The following PARPBP variants were observed in gnomAD, a reference collection of about 807,000 sequenced individuals.
The protein encoded by PARPBP is PARP1 binding protein.
PARPBP carries 52 observed loss-of-function variants against 50.0 expected under a neutral mutation model. That is an observed-to-expected ratio of 1.04 (90% CI 0.83 to 1.31). PARPBP has a LOEUF of 1.31. PARPBP is among the 50% of genes most tolerant of loss of function. The pLI, the probability that PARPBP is intolerant of heterozygous loss-of-function variation, is 0.00. For synonymous variants in PARPBP, 244 were observed against 232.1 expected (o/e 1.05, Z -0.47); for missense variants, 697 against 672.0 (o/e 1.04, Z -0.41).
chr12:102,163,755 T>C (rs949000252), intron 4 of PARPBP, among the ~76,000 whole-genome samples: 6 of 152,228 alleles, frequency 3.9e-5, no homozygotes, highest in African/African-American at 1.2e-4. Flanking sequence ...TTACTTATTG[T>C]ACTTTTCATT....
rs781177278 is a variant in PARPBP at position 102,164,462 on chromosome 12, A to C, written c.520A>C (p.Ile174Leu). 1 of 1,612,842 alleles carries C rather than the reference A, an allele frequency of 6.2e-7. No individual in the cohort carries two copies. Among genetic ancestry groups the C allele is most frequent in the East Asian group, 2.2e-5 (1 of 44,822 alleles). The change falls in exon 5 of 11, where the codon ATC becomes CTC. Residue 174 changes from isoleucine to leucine, a missense_variant. Physicochemically the swap from Ile to Leu is conservative, Grantham distance 5 (BLOSUM62 2). Transcript: ENST00000327680. ...EKVQLLARKI[I>L]FSYLNLLVNS... ...GGTGCAGCTGCTAGCAAGGAAAATT[A>C]TCTTTTCATATTTAAATCTGCTAGT...
chr12:102,151,474 G>A (rs1289658082), intron 3 of PARPBP: 4 of 785,824 alleles, frequency 5.1e-6, no homozygotes, highest in African/African-American at 1.7e-5. Flanking sequence ...TGGAGCCTGC[G>A]GCTGCTGGGA....
At position 102,175,681 on chromosome 12, in the gene PARPBP, AT is replaced by A. The variant is rs1889201247; in HGVS notation, c.1005+20del. The A allele has an allele frequency of 1.3e-6, 2 of 1,511,724 alleles. No homozygotes were observed. Among genetic ancestry groups the A allele is most frequent in the East Asian group, 4.6e-5 (2 of 43,854 alleles). 93.6% of individuals were successfully genotyped at this position (1,511,724 alleles called of 1,614,324 possible). On this transcript the variant is annotated intron_variant, in intron 7 of 10. Coordinates refer to ENST00000327680, the MANE Select transcript of PARPBP (RefSeq NM_017915.5). ...GTCCTGCTCGGGTAATGAGCTTTTT[AT>A]TTTTCATTATCCTTTTATACAAATC...
At chr12:102,180,553 A>C (rs926189252) in intron 8 of PARPBP, among the ~76,000 whole-genome samples, 1 of 152,096 alleles carries the variant, frequency 6.6e-6, no homozygotes, top group Non-Finnish European at 1.5e-5. Flanking sequence ...AATAAAAAAG[A>C]ATTACCCAGT....
chr12:102,175,056 T>G (rs1889121880), intron 6 of PARPBP, among the ~76,000 whole-genome samples: 1 of 152,206 alleles, frequency 6.6e-6, no homozygotes, highest in Admixed American at 6.5e-5. Flanking sequence ...TTCTCATTTG[T>G]GATGTAGGGA....
chr12:102,174,684 C>A (rs1053661913), intron 6 of PARPBP, among the ~76,000 whole-genome samples: 1 of 152,168 alleles, frequency 6.6e-6, no homozygotes, highest in Non-Finnish European at 1.5e-5. Flanking sequence ...GAATCCTCTT[C>A]TATTGGACAC....
chr12:102,128,285 G>A (rs1882314551), intron 2 of PARPBP, among the ~76,000 whole-genome samples: 1 of 152,028 alleles, frequency 6.6e-6, no homozygotes. Flanking sequence ...ATGCTGGAGT[G>A]CAGTGGTGCA....
rs568397615 is a variant in PARPBP, at chr12:102,127,720, G to T, written c.153+3679G>T. Among the ~76,000 whole-genome samples, 7 of 152,152 alleles carry T rather than the reference G, an allele frequency of 4.6e-5. No homozygotes were observed. In the South Asian group the frequency reaches 1.2e-3, roughly 27 times the overall value. On this transcript the variant is annotated intron_variant, in intron 2 of 10. Transcript: ENST00000327680. ...AGTGTGCAATAATTAAATAGCTTGG[G>T]TACATGTACATTTATTGACATGGAA...
At chr12:102,161,195 TC>T (rs1887549628) in intron 4 of PARPBP, among the ~76,000 whole-genome samples, 1 of 152,000 alleles carries the variant, frequency 6.6e-6, no homozygotes. Flanking sequence ...AATCTACACC[TC>T]CCAGGTTCAA....
intron 9 of PARPBP, among the ~76,000 whole-genome samples, chr12:102,190,313 G>T (rs1273394128): frequency 2.0e-5 from 3 of 151,924 alleles, no homozygotes; most frequent in Non-Finnish European, 4.4e-5. Context: ...AAAACAGTAA[G>T]TACCTCCTGG....
chr12:102,151,463 T>A (rs1223131039), intron 3 of PARPBP: 1 of 729,336 alleles, frequency 1.4e-6, no homozygotes, highest in Non-Finnish European at 2.3e-6. Context: ...TGGTCCTTAG[T>A]TGGAGCCTGC....
intron 9 of PARPBP, among the ~76,000 whole-genome samples, chr12:102,183,252 A>G (rs898320780): frequency 4.6e-5 from 7 of 152,192 alleles, no homozygotes; most frequent in Admixed American, 6.5e-5. Context: ...ACTATGATCC[A>G]GACACTGTTG....
rs869213784 is a variant in PARPBP at position 102,156,176 on chromosome 12, C to CTTTTTTT, written c.495+2222_495+2228dup. Among the ~76,000 whole-genome samples the CTTTTTTT allele has an allele frequency of 1.2e-3, 80 of 66,186 alleles. 10 individuals are homozygous for CTTTTTTT. Among genetic ancestry groups the CTTTTTTT allele is most frequent in the African/African-American group, 2.4e-3 (35 of 14,786 alleles). 43.4% of individuals were successfully genotyped at this position (66,186 alleles called of 152,430 possible). On this transcript the variant is annotated intron_variant, in intron 4 of 10. Coordinates refer to ENST00000327680, the MANE Select transcript of PARPBP (RefSeq NM_017915.5). ...CATATTTGGCTCAGAATTAACCTTC[C>CTTTTTTT]TTTTTTTTTTTTTTTTTTTTTTTTT...
intron 2 of PARPBP, among the ~76,000 whole-genome samples, chr12:102,136,855 T>TA (rs777389426): frequency 2.4e-4 from 37 of 152,302 alleles, no homozygotes; most frequent in Non-Finnish European, 4.4e-4. Context: ...TAAAAGTAGA[T>TA]AGAGTTGGTT....
chr12:102,149,385 CTTT>C (rs557397467), intron 3 of PARPBP, among the ~76,000 whole-genome samples: 71 of 152,276 alleles, frequency 4.7e-4, no homozygotes, highest in African/African-American at 1.6e-3. Context: ...GAGACCTGGA[CTTT>C]TTCTATCATT....
In PARPBP at chr12:102,175,559, A is replaced by G. The variant is rs1190083286; in HGVS notation, c.898A>G (p.Lys300Glu). The G allele has an allele frequency of 6.2e-7, 1 of 1,612,972 alleles. No homozygotes were observed. The highest frequency in any genetic ancestry group is 1.3e-5 in the African/African-American group (1 of 75,026). ...KGQNSRDPFC[K>E]AIEEVAQDLD... ...CCAAAACAGCAGGGATCCTTTTTGC[A>G]AAGCAATAGAGGAAGTTGCTCAGGA... Residue 300 changes from lysine to glutamate, a missense_variant, in exon 7 of 11, where the codon AAA becomes GAA. Transcript: ENST00000327680.
At chr12:102,145,536 A>C (rs141708094) in intron 2 of PARPBP, among the ~76,000 whole-genome samples, 11 of 152,134 alleles carry the variant, frequency 7.2e-5, no homozygotes, top group Non-Finnish European at 1.3e-4. Context: ...AAAACCTTCA[A>C]CTTGTTCACT....
rs771805423 is a variant in PARPBP, at chr12:102,196,256, G to T, written c.1705G>T (p.Gly569Cys). ...KCTAKDKLIS[G>C]QAKLTQFFRL ...TACTGCCAAGGACAAGTTGATTTCTGGCCAGGCAAAGTTAACTCAGTTTTT... is the reference window on the plus strand; with the variant it reads ...TACTGCCAAGGACAAGTTGATTTCTTGCCAGGCAAAGTTAACTCAGTTTTT... The change falls in exon 11 of 11, where the codon GGC (glycine) becomes TGC (cysteine). Residue 569 changes from glycine to cysteine, a missense_variant. Gly to Cys is a radical substitution (Grantham distance 159, BLOSUM62 -3). Transcript: ENST00000327680. 1 of 1,597,308 alleles carries T rather than the reference G, an allele frequency of 6.3e-7. No homozygotes were observed. The highest frequency in any genetic ancestry group is 1.1e-5 in the South Asian group (1 of 87,660).
chr12:102,184,099 CACTG>C (rs1156567012), intron 9 of PARPBP, among the ~76,000 whole-genome samples: 3 of 138,118 alleles, frequency 2.2e-5, no homozygotes, highest in Non-Finnish European at 4.7e-5. Context: ...AAGGAAAAAT[CACTG>C]ACAGTGAAGT....
Sources: allele counts gnomAD v4.1 joint callset (sites outside exome capture counted in the v4.1 genomes callset), GRCh38; gene constraint gnomAD v4.1.1; transcripts MANE v1.5; gene names NCBI Gene and HGNC (gene_info 2026-07-23, HGNC 2026-07-21).